Variants in USP47 observed in about 807,000 individuals in gnomAD.
The protein encoded by USP47 is ubiquitin specific peptidase 47.
A neutral mutation model predicts 165.1 loss-of-function variants in USP47; 35 were observed. The observed-to-expected ratio is 0.21, with a 90% CI of 0.16 to 0.28. The LOEUF (loss-of-function observed/expected upper bound fraction) is 0.28, where lower values mean the gene tolerates loss of function less well. USP47 is among the 10% of genes least tolerant of loss of function. The probability of loss-of-function intolerance (pLI) is 1.00; values close to 1 mark genes in which losing one functional copy is unlikely to be tolerated. For missense variants in USP47, 1,277 were observed against 1,607.4 expected (o/e 0.79, Z 3.52); for synonymous variants, 531 against 544.5 (o/e 0.98, Z 0.35).
intron 2 of USP47, among the ~76,000 whole-genome samples, chr11:11,882,917 GTTTC>G (rs945180467): frequency 3.9e-5 from 6 of 152,068 alleles, no homozygotes; most frequent in Non-Finnish European, 7.4e-5. Context: ...AGGATTACCT[GTTTC>G]TTTCTTTTTA....
chr11:11,895,603 T>C (rs950062792), intron 4 of USP47, among the ~76,000 whole-genome samples: 3 of 152,194 alleles, frequency 2.0e-5, no homozygotes, highest in Admixed American at 1.3e-4. Flanking sequence ...ACATACTCTT[T>C]CCTGTCTCTT....
At chr11:11,898,542 T>A (rs1174435903) in intron 5 of USP47, among the ~76,000 whole-genome samples, 4 of 152,130 alleles carry the variant, frequency 2.6e-5, no homozygotes, top group Non-Finnish European at 5.9e-5. Flanking sequence ...TCATTCTGTA[T>A]GCATGTATTG....
chr11:11,873,829 C>G (rs1269292791), intron 1 of USP47: 1 of 1,489,514 alleles, frequency 6.7e-7, no homozygotes, highest in Non-Finnish European at 8.9e-7. Context: ...GACAAAATAT[C>G]TTTGATGAAA....
At chr11:11,954,720 A>G (rs1478996170) in intron 25 of USP47, among the ~76,000 whole-genome samples, 177 bp from the exon 26 acceptor site, 2 of 152,138 alleles carry the variant, frequency 1.3e-5, no homozygotes, top group African/African-American at 2.4e-5. Context: ...GAATATACTA[A>G]CTTGGTATTT....
At chr11:11,903,467 G>T in intron 7 of USP47, 125 bp downstream of exon 7, 1 of 825,294 alleles carries the variant, frequency 1.2e-6, no homozygotes, top group Non-Finnish European at 1.8e-6. Context: ...AGTACCCAAT[G>T]GGAAATTGAA....
At chr11:11,890,283 A>T (rs1166821849) in intron 3 of USP47, among the ~76,000 whole-genome samples, 1 of 152,192 alleles carries the variant, frequency 6.6e-6, no homozygotes, top group Admixed American at 6.5e-5. Context: ...AATGGGAGAA[A>T]ATTTTTACAA....
chr11:11,883,898 A>G (rs1428745745), intron 2 of USP47, among the ~76,000 whole-genome samples: 1 of 152,128 alleles, frequency 6.6e-6, no homozygotes, highest in Non-Finnish European at 1.5e-5. Flanking sequence ...AATAGGTATC[A>G]TTTACTGGGA....
Position 11,942,870 on chromosome 11 carries a change from C to T in USP47, c.2849C>T (p.Thr950Ile), listed in dbSNP as rs1718523088. ...CTTAGCTCCAGTCATAGCAGTGATA[C>T]TTTGTGCAATGCAGACAATGCTCAG... Reference protein sequence around the residue: ...DILSSSHSSDTLCNADNAQIP... With the variant: ...DILSSSHSSDILCNADNAQIP... Residue 950 changes from threonine (T) to isoleucine (I), a missense_variant, in exon 20 of 28, where the codon ACT (threonine) becomes ATT (isoleucine). Thr to Ile is a moderately conservative substitution (Grantham distance 89). Around this residue, in one of 4 missense-constraint regions of USP47, gnomAD observed 909 missense variants for 1,068.1 expected, o/e 0.85. Coordinates refer to ENST00000527733, the MANE Select transcript of USP47 (RefSeq NM_001282659.2). The T allele has an allele frequency of 6.2e-7, 1 of 1,613,696 alleles. No individual in the cohort carries two copies. The highest frequency in any genetic ancestry group is 8.5e-7 in the Non-Finnish European group (1 of 1,179,770).
chr11:11,901,830 A>G (rs1029170740), intron 5 of USP47, among the ~76,000 whole-genome samples: 3 of 151,800 alleles, frequency 2.0e-5, no homozygotes, highest in Non-Finnish European at 2.9e-5. Flanking sequence ...GTCATGGTGC[A>G]TGTGTATAAT....
chr11:11,935,247 G>A (rs2134720363), intron 16 of USP47, among the ~76,000 whole-genome samples: 1 of 151,938 alleles, frequency 6.6e-6, no homozygotes, highest in South Asian at 2.1e-4. Flanking sequence ...GCACATACAA[G>A]TGCAAAAACC....
intron 11 of USP47, among the ~76,000 whole-genome samples, 176 bp downstream of exon 11, chr11:11,923,067 TATATATATATATATA>T (rs1395929434): frequency 7.2e-6 from 1 of 138,210 alleles, no homozygotes; most frequent in Non-Finnish European, 1.6e-5. Flanking sequence ...TATATATATA[TATATATATATATATA>T]TATGACTATA....
chr11:11,898,346 T>G (rs1310073591), intron 5 of USP47, among the ~76,000 whole-genome samples: 1 of 152,202 alleles, frequency 6.6e-6, no homozygotes, highest in Admixed American at 6.5e-5. Context: ...TACTTTTAAG[T>G]ATGAGTAAAC....
intron 3 of USP47, among the ~76,000 whole-genome samples, chr11:11,890,822 A>G (rs760438113): frequency 2.6e-5 from 4 of 152,224 alleles, no homozygotes; most frequent in African/African-American, 7.2e-5. Flanking sequence ...ACAGAATACT[A>G]TGCATCCATA....
intron 1 of USP47, among the ~76,000 whole-genome samples, chr11:11,859,172 C>T (rs1849234629): frequency 1.3e-5 from 2 of 151,980 alleles, no homozygotes; most frequent in Admixed American, 6.6e-5. Context: ...TAAGCTTAAT[C>T]CAGCATCCTT....
In USP47 at chr11:11,842,026, C is replaced by T; in HGVS notation, c.-160C>T. On this transcript the variant is annotated 5_prime_UTR_variant, in exon 1 of 28. Transcript: ENST00000527733. ...CGGCGGCGGAGCCCTGGGTCGGTGT[C>T]TGCGCGCTGGTGTCTGAGGCCCAGG... The T allele has an allele frequency of 7.0e-6, 6 of 852,064 alleles. No individual in the cohort carries two copies. Among genetic ancestry groups the T allele is most frequent in the Middle Eastern group, 3.6e-4 (1 of 2,788 alleles). 52.8% of individuals were successfully genotyped at this position (852,064 alleles called of 1,614,324 possible).
rs1274794390 is a variant in USP47, at chr11:11,957,124, A to G, written c.*949A>G. 6.6e-6 allele frequency: 1 copy of G among 152,158 alleles called. No individual in the cohort carries two copies. Among genetic ancestry groups the G allele is most frequent in the Non-Finnish European group, 1.5e-5 (1 of 68,022 alleles). 9.4% of individuals were successfully genotyped at this position (152,158 alleles called of 1,614,324 possible). A position where few individuals can be genotyped will look rare whatever the true frequency, so the allele number is the denominator to read the frequency against. On this transcript the variant is annotated 3_prime_UTR_variant, in exon 28 of 28. Coordinates refer to ENST00000527733, the MANE Select transcript of USP47 (RefSeq NM_001282659.2). ...TGAGGTTTCTCTGTTCAGCGGCTTC[A>G]ATTTTTTTCTCTTTGTACATCTAGT...
chr11:11,882,017 A>G (rs1293866778), intron 2 of USP47, among the ~76,000 whole-genome samples: 2 of 152,136 alleles, frequency 1.3e-5, no homozygotes, highest in African/African-American at 4.8e-5. Flanking sequence ...TTAGAACAGT[A>G]TTCTAGATAG....
chr11:11,938,731 A>G (rs1275182105), intron 18 of USP47, among the ~76,000 whole-genome samples: 3 of 152,076 alleles, frequency 2.0e-5, no homozygotes, highest in Non-Finnish European at 4.4e-5. Context: ...AAGTGCGGCA[A>G]TGCTGCATTT....
In USP47 at chr11:11,957,415, CA is replaced by C. The variant is rs1362916352; in HGVS notation, c.*1241del. 6.6e-6 allele frequency: 1 copy of C among 152,454 alleles called. No homozygotes were observed. Among genetic ancestry groups the C allele is most frequent in the Non-Finnish European group, 1.5e-5 (1 of 67,998 alleles). 9.4% of individuals were successfully genotyped at this position (152,454 alleles called of 1,614,324 possible). ...CAATTCTACATAAATTTTGACATAC[CA>C]TCTAATTTATAAAAATCAATAAAAA... is the stretch of plus-strand genomic sequence containing the variant. On this transcript the variant is annotated 3_prime_UTR_variant, in exon 28 of 28. Coordinates refer to ENST00000527733, the MANE Select transcript of USP47 (RefSeq NM_001282659.2).
Sources: gnomAD v4.1 joint callset for allele counts (sites outside exome capture counted in the v4.1 genomes callset) on GRCh38, gnomAD v4.1.1 for gene constraint, gnomAD v4.1.1 regional missense constraint, MANE v1.5 for transcripts, NCBI Gene and HGNC (gene_info 2026-07-23, HGNC 2026-07-21) for gene names.